Variants in CLEC9A observed in about 807,000 individuals in gnomAD.
CLEC9A encodes the protein C-type lectin domain family 9 member A.
In CLEC9A, 24 loss-of-function variants were observed where a neutral mutation model predicts 30.0. The observed-to-expected ratio is 0.80, with a 90% CI of 0.58 to 1.13. CLEC9A has a LOEUF of 1.13. Among genes scored for constraint, CLEC9A ranks in the 50% most tolerant of loss-of-function variants. The probability of loss-of-function intolerance (pLI) is 0.00; values close to 1 mark genes in which losing one functional copy is unlikely to be tolerated. For synonymous variants in CLEC9A, 111 were observed against 96.8 expected, an observed-to-expected ratio of 1.15 and a Z score of -0.86; for missense variants, 251 against 280.9, an observed-to-expected ratio of 0.89 and a Z score of 0.76.
chr12:10,048,070 A>G (rs561852194), intron 2 of CLEC9A, among the ~76,000 whole-genome samples: 25 of 150,524 alleles, frequency 1.7e-4, no homozygotes, highest in African/African-American at 6.1e-4. Flanking sequence ...CGTCTCTACT[A>G]AAAATACAAA....
At position 10,052,725 on chromosome 12, in the gene CLEC9A, A is replaced by G. The variant is rs1186672847; in HGVS notation, c.38A>G (p.Asp13Gly). The stretch of plus-strand genomic sequence containing the variant: ...GAAATATACACCTCTCTTCAGTGGG[A>G]TAGCCCAGCACCAGACACTTACCAG... ...EEEIYTSLQWDSPAPDTYQKC... is the reference protein window; with the variant it reads ...EEEIYTSLQWGSPAPDTYQKC... Residue 13 changes from aspartate to glycine, a missense_variant, in exon 4 of 9, where the codon GAT (aspartate) becomes GGT (glycine). Asp to Gly is a moderately conservative substitution (Grantham distance 94, BLOSUM62 -1). Transcript: ENST00000355819. The G allele has an allele frequency of 2.5e-6, 4 of 1,613,926 alleles. No individual in the cohort carries two copies. Among genetic ancestry groups the G allele is most frequent in the Non-Finnish European group, 3.4e-6 (4 of 1,179,930 alleles).
At chr12:10,039,099 T>C (rs1865769206) in intron 1 of CLEC9A, among the ~76,000 whole-genome samples, 2 of 152,356 alleles carry the variant, frequency 1.3e-5, no homozygotes, top group Admixed American at 6.5e-5. Flanking sequence ...TGCTCCTTGA[T>C]GTCTTTATTA....
At chr12:10,060,890 G>T in intron 5 of CLEC9A, 1 of 384,834 alleles carries the variant, frequency 2.6e-6, no homozygotes, top group Non-Finnish European at 4.6e-6. Context: ...TGGTAAATCT[G>T]GTTGTTTGGG....
intron 5 of CLEC9A, 196 bp from the exon 6 acceptor site, chr12:10,060,931 G>C (rs1044724518): frequency 4.1e-5 from 22 of 533,798 alleles, no homozygotes; most frequent in Non-Finnish European, 6.4e-5. Context: ...AAAAATGGGT[G>C]CAAAGAGACA....
At chr12:10,056,422 C>G (rs1365451030) in intron 5 of CLEC9A, among the ~76,000 whole-genome samples, 1 of 152,052 alleles carries the variant, frequency 6.6e-6, no homozygotes, top group Non-Finnish European at 1.5e-5. Context: ...ATGTAAAGTG[C>G]AAAAAAGCAG....
intron 2 of CLEC9A, chr12:10,045,372 T>TA (rs1406547620): frequency 6.5e-6 from 1 of 154,282 alleles, no homozygotes; most frequent in Non-Finnish European, 1.4e-5. Flanking sequence ...CTTTTTTTTT[T>TA]ACTGTTTTCC....
intron 1 of CLEC9A, among the ~76,000 whole-genome samples, chr12:10,035,254 C>T (rs963253667): frequency 7.9e-5 from 12 of 152,136 alleles, no homozygotes; most frequent in African/African-American, 2.9e-4. Context: ...TGGGGACATG[C>T]GGGCCAGGAT....
chr12:10,054,387 C>A, intron 5 of CLEC9A, 36 bp downstream of exon 5: 2 of 1,337,580 alleles, frequency 1.5e-6, no homozygotes, highest in East Asian at 2.3e-5. Flanking sequence ...ATATGTATAT[C>A]GTTATATATA....
At chr12:10,057,102 T>C (rs1029890399) in intron 5 of CLEC9A, among the ~76,000 whole-genome samples, 1 of 152,100 alleles carries the variant, frequency 6.6e-6, no homozygotes, top group Non-Finnish European at 1.5e-5. Flanking sequence ...ATAAAACTGT[T>C]GTGTTAAGCA....
chr12:10,037,423 T>A (rs1360027155), intron 1 of CLEC9A, among the ~76,000 whole-genome samples: 1 of 152,210 alleles, frequency 6.6e-6, no homozygotes, highest in Non-Finnish European at 1.5e-5. Context: ...GCTCCGTGTC[T>A]CAGGTGGCCA....
chr12:10,037,248 T>C (rs965959479), intron 1 of CLEC9A, among the ~76,000 whole-genome samples: 7 of 152,186 alleles, frequency 4.6e-5, no homozygotes, highest in African/African-American at 1.7e-4. Flanking sequence ...TTCTAAACCA[T>C]GCCGTTCAAC....
intron 1 of CLEC9A, among the ~76,000 whole-genome samples, chr12:10,033,497 A>G (rs1865717707): frequency 6.6e-6 from 1 of 152,212 alleles, no homozygotes; most frequent in African/African-American, 2.4e-5. Context: ...AACTTAACAC[A>G]TCAAAAAATG....
At chr12:10,036,997 C>T (rs772254830) in intron 1 of CLEC9A, among the ~76,000 whole-genome samples, 1 of 152,138 alleles carries the variant, frequency 6.6e-6, no homozygotes, top group African/African-American at 2.4e-5. Context: ...TAGAACCAAA[C>T]CAACCAGCAT....
chr12:10,049,612 C>G (rs904592308), intron 2 of CLEC9A, among the ~76,000 whole-genome samples: 4 of 152,182 alleles, frequency 2.6e-5, no homozygotes, highest in African/African-American at 9.7e-5. Flanking sequence ...TTCCTTAAAC[C>G]TCATGGACCA....
At chr12:10,043,809 G>A (rs1336548485) in intron 2 of CLEC9A, among the ~76,000 whole-genome samples, 3 of 151,976 alleles carry the variant, frequency 2.0e-5, no homozygotes. Flanking sequence ...AGCCTCCTGA[G>A]CAGCTGGGAT....
At chr12:10,052,295 T>C (rs1865899585) in intron 3 of CLEC9A, 1 of 167,770 alleles carries the variant, frequency 6.0e-6, no homozygotes. Context: ...TCTTTATATC[T>C]TCACTATCTA....
chr12:10,065,669 T>A lies in CLEC9A; in HGVS notation c.*37T>A, dbSNP rs1384758109. ...TTCAAAGTGTTCTATTACACTGTTA[T>A]TTGGAGCATGCCATTGGAAAACCCA... On this transcript the variant is annotated 3_prime_UTR_variant, in exon 9 of 9. Coordinates refer to ENST00000355819, the MANE Select transcript of CLEC9A (RefSeq NM_207345.4). The A allele has an allele frequency of 5.6e-6, 9 of 1,606,400 alleles. No homozygotes were observed. Among genetic ancestry groups the A allele is most frequent in the Non-Finnish European group, 7.7e-6 (9 of 1,175,184 alleles).
intron 1 of CLEC9A, among the ~76,000 whole-genome samples, chr12:10,040,483 C>T (rs1051555045): frequency 5.8e-4 from 85 of 147,562 alleles, no homozygotes; most frequent in African/African-American, 1.9e-3. Context: ...TGGAGTCTTG[C>T]TCTGTCGCCC....
intron 2 of CLEC9A, among the ~76,000 whole-genome samples, chr12:10,046,381 T>G (rs1865846374): frequency 6.6e-6 from 1 of 152,192 alleles, no homozygotes; most frequent in Non-Finnish European, 1.5e-5. Context: ...CAGTAATTTT[T>G]TGTGCAAAAG....
Sources: allele counts gnomAD v4.1 joint callset (sites outside exome capture counted in the v4.1 genomes callset), GRCh38; gene constraint gnomAD v4.1.1; transcripts MANE v1.5; gene names NCBI Gene and HGNC (gene_info 2026-07-23, HGNC 2026-07-21).